PALM2AKAP2: variants seen among roughly 807,000 people sequenced by gnomAD.
PALM2AKAP2 encodes PALM2-AKAP2 fusion protein.
In PALM2AKAP2, 37 loss-of-function variants were observed where a neutral mutation model predicts 71.5. The ratio of observed to expected loss-of-function variants is 0.52; its 90% CI spans 0.40 to 0.68. PALM2AKAP2 has a LOEUF of 0.68. Ranked by LOEUF, PALM2AKAP2 falls within the 30% of genes least tolerant of loss-of-function variation. PALM2AKAP2 has a pLI of 0.00. For missense variants in PALM2AKAP2, 1,224 were observed against 1,191.8 expected, an observed-to-expected ratio of 1.03 and a Z score of -0.40; for synonymous variants, 468 against 478.8, an observed-to-expected ratio of 0.98 and a Z score of 0.29.
At chr9:110,073,088 T>A (rs1834240656) in intron 1 of PALM2AKAP2, among the ~76,000 whole-genome samples, 1 of 152,202 alleles carries the variant, frequency 6.6e-6, no homozygotes, top group African/African-American at 2.4e-5. Context: ...TTGCCAGGTA[T>A]AAGAAAAGAA....
At chr9:109,936,464 G>A (rs1337677587) in intron 6 of PALM2AKAP2, among the ~76,000 whole-genome samples, 1 of 152,132 alleles carries the variant, frequency 6.6e-6, no homozygotes, top group African/African-American at 2.4e-5. Context: ...AAGATAATAT[G>A]TGAACACATA....
intron 1 of PALM2AKAP2, among the ~76,000 whole-genome samples, chr9:109,720,059 G>A (rs1042937157): frequency 5.3e-5 from 8 of 151,546 alleles, no homozygotes; most frequent in South Asian, 2.1e-4. Flanking sequence ...CGTGATCTCC[G>A]CTCACCACAA....
intron 3 of PALM2AKAP2, among the ~76,000 whole-genome samples, chr9:109,885,307 AG>A (rs1405938631): frequency 6.6e-6 from 1 of 152,186 alleles, no homozygotes; most frequent in African/African-American, 2.4e-5. Context: ...GAAGGAATGG[AG>A]GAAGGAAGGA....
intron 1 of PALM2AKAP2, among the ~76,000 whole-genome samples, chr9:110,086,658 C>A (rs1056114324): frequency 1.3e-5 from 2 of 152,206 alleles, no homozygotes; most frequent in Admixed American, 6.5e-5. Flanking sequence ...ATCAACCTGT[C>A]TTTGGCAGCC....
chr9:109,893,279 A>T (rs1289521045), intron 3 of PALM2AKAP2, among the ~76,000 whole-genome samples: 1 of 152,210 alleles, frequency 6.6e-6, no homozygotes, highest in Admixed American at 6.5e-5. Context: ...CAGGAATTCC[A>T]GGACTGCTGG....
chr9:110,119,512 A>C (rs772901539), intron 1 of PALM2AKAP2, among the ~76,000 whole-genome samples: 4 of 152,150 alleles, frequency 2.6e-5, no homozygotes, highest in Non-Finnish European at 5.9e-5. Context: ...AAGTATAACC[A>C]CTGGGTCAAA....
At chr9:109,658,640 C>T (rs10816847) in intron 1 of PALM2AKAP2, among the ~76,000 whole-genome samples, 55,584 of 151,960 alleles carry the variant, frequency 0.37, 10,462 homozygotes, top group Middle Eastern at 0.51. Context: ...CAATTGCACA[C>T]GGCTGAGGAG....
intron 7 of PALM2AKAP2, among the ~76,000 whole-genome samples, chr9:110,016,665 G>C (rs977012871): frequency 6.6e-6 from 1 of 152,178 alleles, no homozygotes; most frequent in Non-Finnish European, 1.5e-5. Context: ...AAAGTTATCA[G>C]AGGTGCCACC....
At chr9:110,078,825 G>T (rs535277365) in intron 1 of PALM2AKAP2, among the ~76,000 whole-genome samples, 21 of 152,338 alleles carry the variant, frequency 1.4e-4, no homozygotes, top group African/African-American at 4.8e-4. Flanking sequence ...TACACATGGA[G>T]TGTTTGCTCC....
chr9:109,745,487 AGTGT>A lies in PALM2AKAP2; in HGVS notation c.6-34976_6-34973del, dbSNP rs199950779. Among the ~76,000 whole-genome samples, 34 of 146,942 alleles carry A rather than the reference AGTGT, an allele frequency of 2.3e-4. 1 individual carries two copies. The highest frequency in any genetic ancestry group is 5.5e-4 in the African/African-American group (22 of 40,110). On this transcript the variant is annotated intron_variant, in intron 1 of 6. Coordinates refer to the PALM2AKAP2 transcript ENST00000374531. Reference sequence around the variant, plus strand: ...TCTTAAGTCGACTCTAGTGGCTGTCAGTGTGTGTGTGTGTGTGTGTGTGTGTGTA... The same window carrying A: ...TCTTAAGTCGACTCTAGTGGCTGTCAGTGTGTGTGTGTGTGTGTGTGTGTA...
chr9:109,969,291 T>C (rs1249292166), intron 6 of PALM2AKAP2, among the ~76,000 whole-genome samples: 1 of 152,148 alleles, frequency 6.6e-6, no homozygotes, highest in Non-Finnish European at 1.5e-5. Context: ...TCCCCACACC[T>C]TGTGCTTCCT....
At chr9:109,777,035 C>G (rs145751411), upstream of PALM2AKAP2, among the ~76,000 whole-genome samples, 1 of 152,212 alleles carries the variant, frequency 6.6e-6, no homozygotes, top group Non-Finnish European at 1.5e-5. Context: ...GATTCTGATG[C>G]AGATTTCTGA....
chr9:109,831,040 C>T (rs1828284657), intron 1 of PALM2AKAP2, among the ~76,000 whole-genome samples: 3 of 151,796 alleles, frequency 2.0e-5, no homozygotes. Flanking sequence ...GGGGAGAAAA[C>T]CCAATTCTGT....
At chr9:110,070,636 T>G (rs1834182735) in intron 1 of PALM2AKAP2, among the ~76,000 whole-genome samples, 1 of 152,164 alleles carries the variant, frequency 6.6e-6, no homozygotes, top group Admixed American at 6.5e-5. Context: ...ACTGGGATGA[T>G]TGAAGCTCTG....
At chr9:109,840,698 G>A (rs1015203537) in intron 1 of PALM2AKAP2, among the ~76,000 whole-genome samples, 6 of 152,136 alleles carry the variant, frequency 3.9e-5, no homozygotes, top group East Asian at 1.9e-4. Flanking sequence ...CAATCAACAC[G>A]TGGGCAAAGG....
intron 1 of PALM2AKAP2, among the ~76,000 whole-genome samples, chr9:109,743,795 G>GAGACAT (rs1364688625): frequency 7.2e-5 from 11 of 152,156 alleles, no homozygotes; most frequent in Admixed American, 2.6e-4. Context: ...TTGATAACAG[G>GAGACAT]AGACATGTCT....
At chr9:109,928,589 G>T (rs577633678) in intron 5 of PALM2AKAP2, among the ~76,000 whole-genome samples, 1 of 151,850 alleles carries the variant, frequency 6.6e-6, no homozygotes, top group South Asian at 2.1e-4. Flanking sequence ...TAACCTTAGG[G>T]TTTAGTACTT....
At chr9:109,981,311 A>C (rs1832265450) in intron 6 of PALM2AKAP2, among the ~76,000 whole-genome samples, 1 of 152,242 alleles carries the variant, frequency 6.6e-6, no homozygotes, top group African/African-American at 2.4e-5. Context: ...ATTAGGTTTT[A>C]CTGATGTGTG....
intron 6 of PALM2AKAP2, among the ~76,000 whole-genome samples, chr9:109,975,302 A>C (rs1199280390): frequency 6.6e-6 from 1 of 152,220 alleles, no homozygotes; most frequent in African/African-American, 2.4e-5. Flanking sequence ...GTCCCAATCC[A>C]GGTCCAATGG....
Sources: allele counts gnomAD v4.1 joint callset (sites outside exome capture counted in the v4.1 genomes callset), GRCh38; gene constraint gnomAD v4.1.1; transcripts MANE v1.5; gene names NCBI Gene and HGNC (gene_info 2026-07-23, HGNC 2026-07-21).